The following FGF13 variants were observed in gnomAD, a reference collection of about 807,000 sequenced individuals.
The protein encoded by FGF13 is fibroblast growth factor 13.
FGF13 carries 2 observed loss-of-function variants against 19.5 expected under a neutral mutation model. The observed-to-expected ratio is 0.10, with a 90% CI of 0.04 to 0.32. The LOEUF (loss-of-function observed/expected upper bound fraction) is 0.32, where lower values mean the gene tolerates loss of function less well. Ranked by LOEUF, FGF13 falls within the 10% of genes least tolerant of loss-of-function variation. The pLI is 1.00. For synonymous variants in FGF13, 72 were observed against 76.9 expected, an observed-to-expected ratio of 0.94 and a Z score of 0.33; for missense variants, 113 against 192.7, an observed-to-expected ratio of 0.59 and a Z score of 2.45.
intron 1 of FGF13, among the ~76,000 whole-genome samples, chrX:139,076,637 C>G (rs763050935): frequency 9.0e-6 from 1 of 111,696 alleles, no homozygotes; most frequent in Non-Finnish European, 1.9e-5. Context: ...AAAAATGCAA[C>G]GCTATACTAC....
At chrX:138,858,174 A>T (rs1260164347) in intron 2 of FGF13, among the ~76,000 whole-genome samples, 3 of 111,978 alleles carry the variant, frequency 2.7e-5, no homozygotes, top group African/African-American at 9.7e-5. Context: ...TACTCTTTTG[A>T]TTTCCAAAGA....
chrX:138,833,765 G>C (rs773484790), intron 3 of FGF13, among the ~76,000 whole-genome samples: 1 of 111,681 alleles, frequency 9.0e-6, no homozygotes, highest in African/African-American at 3.3e-5. Flanking sequence ...TTTAGCTTTT[G>C]CCCATTCAGT....
At chrX:139,076,949 C>T in intron 1 of FGF13, among the ~76,000 whole-genome samples, 1 of 112,015 alleles carries the variant, frequency 8.9e-6, no homozygotes, top group Non-Finnish European at 1.9e-5. Flanking sequence ...GAAACCAGCA[C>T]CTAGTACAGG....
intron 1 of FGF13, among the ~76,000 whole-genome samples, chrX:138,891,145 T>C (rs1411522231): frequency 1.8e-5 from 2 of 111,221 alleles, no homozygotes; most frequent in Non-Finnish European, 3.8e-5. Context: ...CAAAAAAATT[T>C]GTGGTGTCGG....
At chrX:139,024,370 C>T (rs762446290) in intron 1 of FGF13, among the ~76,000 whole-genome samples, 1 of 111,249 alleles carries the variant, frequency 9.0e-6, no homozygotes, top group South Asian at 3.8e-4. Context: ...ACCCATGACT[C>T]GCTTTTATAC....
chrX:138,866,454 T>C (rs2091323662), intron 1 of FGF13, among the ~76,000 whole-genome samples: 1 of 112,460 alleles, frequency 8.9e-6, no homozygotes, highest in African/African-American at 3.2e-5. Context: ...GGAATTCAAA[T>C]GGATTTTCTC....
At chrX:138,640,256 A>G (rs2089234506) in intron 3 of FGF13, among the ~76,000 whole-genome samples, 1 of 111,831 alleles carries the variant, frequency 8.9e-6, no homozygotes, top group African/African-American at 3.3e-5. Context: ...GATGTTAATG[A>G]TCAGCTGCCC....
intron 1 of FGF13, among the ~76,000 whole-genome samples, chrX:139,138,270 T>C (rs2083815358): frequency 8.9e-6 from 1 of 112,104 alleles, no homozygotes; most frequent in Non-Finnish European, 1.9e-5. Flanking sequence ...AAATATGTGC[T>C]AGCAGTGGGA....
chrX:138,668,992 G>T (rs1381212653), intron 3 of FGF13, among the ~76,000 whole-genome samples: 1 of 111,249 alleles, frequency 9.0e-6, no homozygotes, highest in African/African-American at 3.3e-5. Flanking sequence ...TTAAGAATTA[G>T]ATGAGAAAAT....
At chrX:139,062,960 C>T (rs1049290251) in intron 1 of FGF13, among the ~76,000 whole-genome samples, 1 of 112,131 alleles carries the variant, frequency 8.9e-6, no homozygotes, top group Non-Finnish European at 1.9e-5. Context: ...GAGGGATATT[C>T]TCTAAGTTCT....
chrX:138,804,284 C>T (rs1341536984), intron 3 of FGF13, among the ~76,000 whole-genome samples: 1 of 112,087 alleles, frequency 8.9e-6, no homozygotes. Flanking sequence ...GAACCATTCA[C>T]TTTATTCTCA....
chrX:139,052,310 AAG>A (rs2092305200), intron 1 of FGF13, among the ~76,000 whole-genome samples: 1 of 111,959 alleles, frequency 8.9e-6, no homozygotes, highest in South Asian at 3.7e-4. Flanking sequence ...CATCAAGGTC[AAG>A]ACAGTTTTGT....
intron 1 of FGF13, among the ~76,000 whole-genome samples, chrX:138,925,392 C>A (rs1363122393): frequency 1.0e-5 from 1 of 98,805 alleles, no homozygotes; most frequent in East Asian, 3.3e-4. Context: ...TACTGGCTTA[C>A]CTTCCCATTA....
intron 1 of FGF13, among the ~76,000 whole-genome samples, chrX:139,009,291 A>T (rs2092117923): frequency 9.0e-6 from 1 of 111,400 alleles, no homozygotes; most frequent in Non-Finnish European, 1.9e-5. Flanking sequence ...AAAATACAAG[A>T]AGCTCAAAGA....
chrX:138,972,942 T>G (rs1396801285), intron 1 of FGF13, among the ~76,000 whole-genome samples: 1 of 111,263 alleles, frequency 9.0e-6, no homozygotes, highest in East Asian at 2.8e-4. Flanking sequence ...CCTTGTCAGT[T>G]TTGTTTAGTT....
At chrX:138,893,222 T>C (rs1334526709) in intron 1 of FGF13, among the ~76,000 whole-genome samples, 1 of 111,426 alleles carries the variant, frequency 9.0e-6, no homozygotes, top group East Asian at 2.8e-4. Flanking sequence ...CTATCTTCCC[T>C]TCACCCTGTA....
At chrX:139,048,668 T>A (rs978702039) in intron 1 of FGF13, among the ~76,000 whole-genome samples, 8 of 109,609 alleles carry the variant, frequency 7.3e-5, no homozygotes, top group African/African-American at 2.6e-4. Flanking sequence ...GGTAATTTTT[T>A]AAATTACTAC....
intron 1 of FGF13, among the ~76,000 whole-genome samples, chrX:138,943,520 G>A (rs2091768518): frequency 8.9e-6 from 1 of 112,114 alleles, no homozygotes. Flanking sequence ...CTACTTGGAA[G>A]TAGGTATCCT....
intron 1 of FGF13, among the ~76,000 whole-genome samples, chrX:139,195,884 C>T (rs1182495399): frequency 2.7e-5 from 3 of 112,102 alleles, no homozygotes; most frequent in African/African-American, 3.2e-5. Flanking sequence ...TAGTGAAAAA[C>T]CTCTTCTGTG....
Sources: gnomAD v4.1 joint callset for allele counts (sites outside exome capture counted in the v4.1 genomes callset) on GRCh38, gnomAD v4.1.1 for gene constraint, MANE v1.5 for transcripts, NCBI Gene and HGNC (gene_info 2026-07-23, HGNC 2026-07-21) for gene names.